The following CPVL variants were observed in gnomAD, a reference collection of about 807,000 sequenced individuals.
CPVL encodes the protein carboxypeptidase vitellogenic like.
Under a neutral mutation model 63.7 loss-of-function variants are expected in CPVL, and 51 were observed. The observed-to-expected ratio is 0.80, with a 90% CI of 0.64 to 1.01. CPVL has a LOEUF of 1.01. CPVL is among the 50% of genes least tolerant of loss of function. The pLI, the probability that CPVL is intolerant of heterozygous loss-of-function variation, is 0.00. For synonymous variants in CPVL, 195 were observed against 206.0 expected (o/e 0.95, Z 0.46); for missense variants, 530 against 573.1 (o/e 0.92, Z 0.77).
At chr7:29,025,957 T>C (rs59097694) in intron 12 of CPVL, among the ~76,000 whole-genome samples, 44,186 of 152,020 alleles carry the variant, frequency 0.29, 8,286 homozygotes, top group African/African-American at 0.53. Flanking sequence ...AACTGCACTT[T>C]AGACAAAATG....
chr7:29,030,701 G>C lies in CPVL; in HGVS notation c.1196C>G (p.Ser399Cys). The change falls in exon 12 of 13, where the codon TCC becomes TGC. Residue 399 changes from serine (S) to cysteine (C), a missense_variant. Transcript: ENST00000265394. ...TCCTTTCCAGTCCATGCCCATCAAG[G>C]AGCGCTCTGTCAGGGCAGCTGCCAC... Reference protein sequence around the residue: ...IIVAAALTERSLMGMDWKGSQ... With the variant: ...IIVAAALTERCLMGMDWKGSQ... The C allele has an allele frequency of 6.2e-7, 1 of 1,613,590 alleles. No homozygotes were observed. The highest frequency in any genetic ancestry group is 2.2e-5 in the East Asian group (1 of 44,828).
chr7:29,187,818 C>T (rs1193696615), intron 1 of CPVL, among the ~76,000 whole-genome samples: 2 of 152,210 alleles, frequency 1.3e-5, no homozygotes, highest in Non-Finnish European at 2.9e-5. Context: ...TAAAAACTAC[C>T]TGCCGTGCAG....
chr7:29,034,982 T>C (rs1038429256), intron 11 of CPVL, among the ~76,000 whole-genome samples: 12 of 151,984 alleles, frequency 7.9e-5, no homozygotes, highest in Non-Finnish European at 1.6e-4. Context: ...TTTTTTTTCA[T>C]GACAACTAGG....
At chr7:29,058,739 T>A (rs1366296507) in intron 11 of CPVL, among the ~76,000 whole-genome samples, 1 of 152,152 alleles carries the variant, frequency 6.6e-6, no homozygotes, top group Non-Finnish European at 1.5e-5. Flanking sequence ...GTTGGCATGA[T>A]TTCTGAGGAG....
Position 29,064,130 on chromosome 7 carries a change from T to C in CPVL, c.1068A>G (p.Glu356=). The C allele has an allele frequency of 6.2e-7, 1 of 1,613,556 alleles. No individual in the cohort carries two copies. The highest frequency in any genetic ancestry group is 8.5e-7 in the Non-Finnish European group (1 of 1,179,472). ...GTACTGTATCTTCTCGCAAGTACTT[T>C]TCAACTATAGTTCCATCATTAAAAG... The part of the protein sequence containing the change: ...NQTFNDGTIV[E]KYLREDTVQS... Residue 356 remains glutamate (E), a synonymous_variant, in exon 11 of 13, where the codon GAA becomes GAG. Transcript: ENST00000265394.
chr7:29,091,079 C>A (rs970724184), intron 6 of CPVL, among the ~76,000 whole-genome samples: 21 of 152,200 alleles, frequency 1.4e-4, no homozygotes, highest in Non-Finnish European at 2.6e-4. Flanking sequence ...TTCTGCACCA[C>A]CCTTGATTAG....
intron 9 of CPVL, among the ~76,000 whole-genome samples, chr7:29,068,412 G>A (rs1280406251): frequency 6.6e-6 from 1 of 152,176 alleles, no homozygotes; most frequent in Non-Finnish European, 1.5e-5. Context: ...ACCATAGAAG[G>A]CGGTGTGGGT....
chr7:29,043,414 C>T (rs1789318221), intron 11 of CPVL, among the ~76,000 whole-genome samples: 1 of 152,144 alleles, frequency 6.6e-6, no homozygotes, highest in East Asian at 1.9e-4. Context: ...TCCAAAAACA[C>T]AACTCTCCCC....
intron 10 of CPVL, 39 bp from the exon 11 acceptor site, chr7:29,064,273 T>G: frequency 7.6e-7 from 1 of 1,318,948 alleles, no homozygotes; most frequent in Non-Finnish European, 1.1e-6. Context: ...GGGAACATGA[T>G]TGGTGGCAGG....
intron 7 of CPVL, among the ~76,000 whole-genome samples, chr7:29,081,703 A>G (rs951539518): frequency 6.6e-6 from 1 of 152,226 alleles, no homozygotes; most frequent in Non-Finnish European, 1.5e-5. Flanking sequence ...TCTTGTCTCC[A>G]GGCATTAGGC....
intron 1 of CPVL, among the ~76,000 whole-genome samples, chr7:29,136,481 T>A (rs543356053): frequency 6.6e-6 from 1 of 152,316 alleles, no homozygotes; most frequent in African/African-American, 2.4e-5. Context: ...GTAAGGTATG[T>A]AAAAGTGGTG....
chr7:29,024,912 G>A (rs1344436225), intron 12 of CPVL, among the ~76,000 whole-genome samples: 2 of 152,102 alleles, frequency 1.3e-5, no homozygotes, highest in Admixed American at 1.3e-4. Flanking sequence ...AAACTCACTG[G>A]CTTCTCATAA....
chr7:29,178,036 A>T (rs1250812111), intron 5 of CPVL, among the ~76,000 whole-genome samples: 1 of 152,040 alleles, frequency 6.6e-6, no homozygotes. Flanking sequence ...CACCTTGATG[A>T]TTGTTTATCT....
intron 1 of CPVL, among the ~76,000 whole-genome samples, chr7:29,142,116 A>C (rs1257579060): frequency 6.6e-6 from 1 of 152,232 alleles, no homozygotes; most frequent in Non-Finnish European, 1.5e-5. Context: ...AAAAGGAAAG[A>C]CTTACTTCAC....
At chr7:29,098,366 AG>A (rs1448605969) in intron 3 of CPVL, among the ~76,000 whole-genome samples, 4 of 152,132 alleles carry the variant, frequency 2.6e-5, no homozygotes, top group Non-Finnish European at 4.4e-5. Context: ...AAAGGGGCCC[AG>A]GGGGACCTGC....
intron 5 of CPVL, among the ~76,000 whole-genome samples, chr7:29,172,711 G>A (rs558573017): frequency 2.0e-5 from 3 of 152,086 alleles, no homozygotes; most frequent in African/African-American, 4.8e-5. Flanking sequence ...TCTGACCAAC[G>A]ATTTCAAGAA....
At chr7:29,093,595 G>A (rs898538235) in intron 5 of CPVL, among the ~76,000 whole-genome samples, 4 of 152,106 alleles carry the variant, frequency 2.6e-5, no homozygotes, top group African/African-American at 9.7e-5. Flanking sequence ...GAACCTAGAA[G>A]TTCACAGACA....
intron 5 of CPVL, among the ~76,000 whole-genome samples, chr7:29,093,693 A>G (rs1786092363): frequency 6.6e-6 from 1 of 152,192 alleles, no homozygotes; most frequent in African/African-American, 2.4e-5. Context: ...TAAGGAATGC[A>G]CTCCCTATCT....
intron 6 of CPVL, among the ~76,000 whole-genome samples, chr7:29,088,858 C>T (rs1785479535): frequency 6.6e-6 from 1 of 151,870 alleles, no homozygotes; most frequent in Admixed American, 6.6e-5. Flanking sequence ...GCCTGTAGTC[C>T]CAGCTACTCA....
Sources: gnomAD v4.1 joint callset for allele counts (sites outside exome capture counted in the v4.1 genomes callset) on GRCh38, gnomAD v4.1.1 for gene constraint, MANE v1.5 for transcripts, NCBI Gene and HGNC (gene_info 2026-07-23, HGNC 2026-07-21) for gene names.